SETD7: variants seen among roughly 807,000 people sequenced by gnomAD.
SETD7 encodes SET domain containing 7, histone lysine methyltransferase.
Under a neutral mutation model 41.8 loss-of-function variants are expected in SETD7, and 16 were observed. The ratio of observed to expected loss-of-function variants is 0.38; its 90% CI spans 0.26 to 0.58. The LOEUF (loss-of-function observed/expected upper bound fraction) is 0.58, where lower values mean the gene tolerates loss of function less well. Among genes scored for constraint, SETD7 ranks in the 20% least tolerant of loss-of-function variants. The pLI, the probability that SETD7 is intolerant of heterozygous loss-of-function variation, is 0.64. For missense variants in SETD7, 346 were observed against 459.7 expected, an observed-to-expected ratio of 0.75 and a Z score of 2.26; for synonymous variants, 163 against 169.7, an observed-to-expected ratio of 0.96 and a Z score of 0.31.
At chr4:139,536,414 C>CA (rs1727637807) in intron 2 of SETD7, among the ~76,000 whole-genome samples, 1 of 151,690 alleles carries the variant, frequency 6.6e-6, no homozygotes, top group African/African-American at 2.4e-5. Context: ...ATTTTTCTAT[C>CA]AAAAAAGAAA....
exon 8 of SETD7, chr4:139,496,369 A>G: frequency 1.4e-6 from 1 of 702,018 alleles, no homozygotes; most frequent in Non-Finnish European, 2.6e-6. Flanking sequence ...ACTCACGAAC[A>G]TCATTATGAG....
At chr4:139,515,325 T>G (rs1726997524) in intron 7 of SETD7, among the ~76,000 whole-genome samples, 1 of 152,216 alleles carries the variant, frequency 6.6e-6, no homozygotes. Flanking sequence ...TGGGCTTGCT[T>G]GCAAACAAAC....
At position 139,555,186 on chromosome 4, in the gene SETD7, A is replaced by C. The variant is rs867985509; in HGVS notation, c.40+912T>G. Among the ~76,000 whole-genome samples the C allele has an allele frequency of 0.018, 2,340 of 129,018 alleles. 72 individuals are homozygous for C. The highest frequency in any genetic ancestry group is 0.056 in the African/African-American group (2,167 of 38,540). 84.6% of individuals were successfully genotyped at this position (129,018 alleles called of 152,430 possible). On this transcript the variant is annotated intron_variant, in intron 1 of 7. Coordinates refer to ENST00000274031, the MANE Select transcript of SETD7 (RefSeq NM_030648.4). This position sits in a 1 kb window ranked among gnomAD's most constrained non-coding sequence, Gnocchi z 4.0. ...ACATCGTTTTTTCAGAACTAACAAA[A>C]AAAAAAAAAAAAAGGTGGAGAAACT...
In SETD7 at chr4:139,520,307, A is replaced by T; in HGVS notation, c.732T>A (p.Phe244Leu). The T allele has an allele frequency of 6.2e-7, 1 of 1,603,916 alleles. No individual in the cohort carries two copies. Among genetic ancestry groups the T allele is most frequent in the Non-Finnish European group, 8.5e-7 (1 of 1,174,716 alleles). ...GGTGTGTAATTCGAACTCCATTATAAAAAGACATAACAGTATTAGGTCCCA... is the reference window on the plus strand; with the variant it reads ...GGTGTGTAATTCGAACTCCATTATATAAAGACATAACAGTATTAGGTCCCA... Reference protein sequence around the residue: ...VAVGPNTVMSFYNGVRITHQE... With the variant: ...VAVGPNTVMSLYNGVRITHQE... The change falls in exon 6 of 8, where the codon TTT becomes TTA. Residue 244 changes from phenylalanine (F) to leucine (L), a missense_variant. Phe to Leu is a conservative substitution (Grantham distance 22). Around this residue, in one of 3 missense-constraint regions of SETD7, gnomAD observed 266 missense variants for 377.0 expected, o/e 0.71. Transcript: ENST00000274031.
chr4:139,511,869 T>C (rs1200717609), intron 7 of SETD7, 26 bp from the exon 8 acceptor site: 37 of 1,595,302 alleles, frequency 2.3e-5, no homozygotes, highest in Non-Finnish European at 3.1e-5. Context: ...CACACAGTCA[T>C]TCCCGGGCCA....
rs1414661298 is a variant in SETD7, at chr4:139,507,333, A to C, written c.*4330T>G. ...CCTCCATTAGCACCTAACTTCCACC[A>C]GGAAGCGGCTGAGGCACTGGGGAAG... is the stretch of plus-strand genomic sequence containing the variant. On this transcript the variant is annotated 3_prime_UTR_variant, in exon 8 of 8. Coordinates refer to ENST00000274031, the MANE Select transcript of SETD7 (RefSeq NM_030648.4). The C allele has an allele frequency of 2.6e-5, 4 of 152,554 alleles. No homozygotes were observed. The highest frequency in any genetic ancestry group is 4.4e-5 in the Non-Finnish European group (3 of 68,050). 9.5% of individuals were successfully genotyped at this position (152,554 alleles called of 1,614,324 possible). A position where few individuals can be genotyped will look rare whatever the true frequency, so the allele number is the denominator to read the frequency against.
intron 4 of SETD7, among the ~76,000 whole-genome samples, chr4:139,528,404 T>C (rs1364246471): frequency 2.0e-5 from 3 of 152,232 alleles, no homozygotes; most frequent in Admixed American, 6.5e-5. Context: ...TTTATTATCA[T>C]AGTACAGTTT....
intron 1 of SETD7, among the ~76,000 whole-genome samples, chr4:139,549,039 TC>T (rs1453723154): frequency 6.6e-6 from 1 of 152,214 alleles, no homozygotes; most frequent in East Asian, 1.9e-4. Context: ...AAAAAGCCAC[TC>T]AGTGTATTGC....
intron 2 of SETD7, among the ~76,000 whole-genome samples, chr4:139,539,097 A>G (rs1349234566): frequency 6.6e-6 from 1 of 152,170 alleles, no homozygotes; most frequent in Non-Finnish European, 1.5e-5. Context: ...CTGTTCTTAG[A>G]GACTTAACAG....
intron 1 of SETD7, among the ~76,000 whole-genome samples, chr4:139,550,051 T>C (rs1419952740): frequency 1.3e-5 from 2 of 152,040 alleles, no homozygotes; most frequent in South Asian, 2.1e-4. Flanking sequence ...AACGGCTAAT[T>C]AAAAATTTTT....
intron 7 of SETD7, 52 bp downstream of exon 7, chr4:139,517,824 CCTCCTCCGT>C: frequency 6.6e-7 from 1 of 1,523,924 alleles, no homozygotes; most frequent in Middle Eastern, 2.1e-4. Context: ...TTTTTACTGC[CCTCCTCCGT>C]CTCAGGGCCC....
chr4:139,555,397 C>T lies in SETD7; in HGVS notation c.40+701G>A, dbSNP rs1026152942. 1.3e-5 allele frequency among the ~76,000 whole-genome samples: 2 copies of T among 151,888 alleles called. No homozygotes were observed. Among genetic ancestry groups the T allele is most frequent in the East Asian group, 3.9e-4 (2 of 5,106 alleles). ...GCACAGCGTGGCGGCTGCATCCCAG[C>T]CAAGCAGGAAGGGGGAGGGGGAGGC... On this transcript the variant is annotated intron_variant, in intron 1 of 7. Coordinates refer to ENST00000274031, the MANE Select transcript of SETD7 (RefSeq NM_030648.4). This position sits in a 1 kb window ranked among gnomAD's most constrained non-coding sequence, Gnocchi z 4.0.
intron 1 of SETD7, among the ~76,000 whole-genome samples, chr4:139,551,516 T>C (rs1728109488): frequency 6.6e-6 from 1 of 152,030 alleles, no homozygotes. Flanking sequence ...AGCTTCTTCC[T>C]GAATCTGATA....
chr4:139,549,348 C>G (rs1479908088), intron 1 of SETD7, among the ~76,000 whole-genome samples: 1 of 152,152 alleles, frequency 6.6e-6, no homozygotes, highest in Non-Finnish European at 1.5e-5. Context: ...TCCTTCAGCC[C>G]TGTGCTATTT....
intron 2 of SETD7, among the ~76,000 whole-genome samples, chr4:139,534,827 ACT>A (rs1456804073): frequency 6.6e-6 from 1 of 152,070 alleles, no homozygotes; most frequent in African/African-American, 2.4e-5. Flanking sequence ...GCTGCACCTG[ACT>A]CTGTCTGGTA....
intron 7 of SETD7, among the ~76,000 whole-genome samples, chr4:139,517,192 C>T (rs1343149065): frequency 2.0e-5 from 3 of 151,906 alleles, no homozygotes; most frequent in Middle Eastern, 3.4e-3. Context: ...AAAGGGCTCC[C>T]GGCTGGGCGA....
At chr4:139,518,534 G>A (rs1727093415) in intron 6 of SETD7, among the ~76,000 whole-genome samples, 1 of 152,078 alleles carries the variant, frequency 6.6e-6, no homozygotes, top group East Asian at 1.9e-4. Flanking sequence ...GTGCCAGGCA[G>A]CTCGACTTAA....
rs1023922515 is a variant in SETD7 at position 139,555,869 on chromosome 4, C to A, written c.40+229G>T. On this transcript the variant is annotated intron_variant, in intron 1 of 7. Transcript: ENST00000274031. This position sits in a 1 kb window ranked among gnomAD's most constrained non-coding sequence, Gnocchi z 4.0. ...ATGGAGCGGCCGTGCGTTTCCAGCG[C>A]CCCCGGCCTGGCGGAGCCCCATTCT... Among the ~76,000 whole-genome samples, 41 of 152,036 alleles carry A rather than the reference C, an allele frequency of 2.7e-4. No individual in the cohort carries two copies. The highest frequency in any genetic ancestry group is 9.9e-4 in the African/African-American group (41 of 41,444).
chr4:139,496,490 T>C, exon 8 of SETD7: 1 of 702,362 alleles, frequency 1.4e-6, no homozygotes, highest in Non-Finnish European at 2.6e-6. Flanking sequence ...AATCTGCTTC[T>C]TTTACACGTT....
Sources: allele counts gnomAD v4.1 joint callset (sites outside exome capture counted in the v4.1 genomes callset), GRCh38; gene constraint gnomAD v4.1.1; regional missense constraint gnomAD v4.1.1; non-coding constraint Gnocchi (gnomAD v3.1); transcripts MANE v1.5; gene names NCBI Gene and HGNC (gene_info 2026-07-23, HGNC 2026-07-21).